The following HYDIN variants were observed in gnomAD, a reference collection of about 807,000 sequenced individuals.
HYDIN encodes axonemal central pair apparatus protein HYDIN.
A neutral mutation model predicts 403.9 loss-of-function variants in HYDIN; 132 were observed. The observed-to-expected ratio is 0.33, with a 90% CI of 0.28 to 0.38. HYDIN has a LOEUF of 0.38. Among genes scored for constraint, HYDIN ranks in the 10% least tolerant of loss-of-function variants. The pLI, the probability that HYDIN is intolerant of heterozygous loss-of-function variation, is 1.00. For missense variants in HYDIN, 2,827 were observed against 5,009.5 expected, an observed-to-expected ratio of 0.56 and a Z score of 13.15; for synonymous variants, 1,202 against 1,891.7, an observed-to-expected ratio of 0.64 and a Z score of 9.46.
chr16:71,152,615 A>G, intron 7 of HYDIN, 44 bp downstream of exon 7: 1 of 647,850 alleles, frequency 1.5e-6, no homozygotes, highest in Non-Finnish European at 2.7e-6. Context: ...TTCTCATCTG[A>G]CCTTTCTTAA....
intron 8 of HYDIN, among the ~76,000 whole-genome samples, chr16:71,131,035 T>C (rs1324426682): frequency 9.2e-6 from 1 of 108,954 alleles, no homozygotes; most frequent in Non-Finnish European, 1.8e-5. Context: ...CATATTCCCA[T>C]CATTGTACTG....
intron 43 of HYDIN, among the ~76,000 whole-genome samples, chr16:70,940,841 G>A (rs967076703): frequency 1.3e-5 from 2 of 152,230 alleles, no homozygotes; most frequent in Admixed American, 6.5e-5. Context: ...GCGGTAAGCC[G>A]GAGTGAGGAA....
Position 70,805,244 on chromosome 16 carries a change from T to C in HYDIN, c.*2336A>G, listed in dbSNP as rs1193812824. 1.3e-5 allele frequency among the ~76,000 whole-genome samples: 2 copies of C among 152,228 alleles called. No individual in the cohort carries two copies. The highest frequency in any genetic ancestry group is 1.3e-4 in the Admixed American group (2 of 15,290). ...TTGGCAAATGTCAAGTTTTGCCAGG[T>C]ACCTTAAAGTAGCACTCTCAGCTGC... is the stretch of plus-strand genomic sequence containing the variant. On this transcript the variant is annotated 3_prime_UTR_variant, in exon 86 of 86. Transcript: ENST00000393567.
At position 70,920,835 on chromosome 16, in the gene HYDIN, T is replaced by C. The variant is rs1285077515; in HGVS notation, c.7541A>G (p.Glu2514Gly). 70 of 1,578,792 alleles carry C rather than the reference T, an allele frequency of 4.4e-5. No individual in the cohort carries two copies. The highest frequency in any genetic ancestry group is 6.0e-5 in the Non-Finnish European group (70 of 1,161,430). The change falls in exon 46 of 86, where the codon GAG becomes GGG. Residue 2514 changes from glutamate to glycine, a missense_variant. Transcript: ENST00000393567. ...CTCCGTGCGCTCCTTCTCCAGGCGCTCTCTCTCCCGGTCCTTGCGGCCCCT... is the reference window on the plus strand; with the variant it reads ...CTCCGTGCGCTCCTTCTCCAGGCGCCCTCTCTCCCGGTCCTTGCGGCCCCT... ...GRRGRKDRER[E>G]RLEKERTEKE...
chr16:70,936,509 G>A (rs796818224), intron 44 of HYDIN, among the ~76,000 whole-genome samples: 4,857 of 110,520 alleles, frequency 0.044, 164 homozygotes, highest in African/African-American at 0.11. Flanking sequence ...GCCTCCCATA[G>A]CTGAGCATGT....
intron 40 of HYDIN, among the ~76,000 whole-genome samples, chr16:70,955,019 A>G (rs965247248): frequency 1.2e-4 from 18 of 152,150 alleles, no homozygotes; most frequent in African/African-American, 4.3e-4. Flanking sequence ...CATTCATCCC[A>G]AAGTCGCTCT....
chr16:71,057,117 C>A (rs925343677), intron 18 of HYDIN, among the ~76,000 whole-genome samples: 1 of 113,036 alleles, frequency 8.8e-6, no homozygotes, highest in Non-Finnish European at 1.8e-5. Context: ...CCTCTCCCAG[C>A]ATCAACTCGG....
At chr16:71,201,539 C>A (rs2088013648) in intron 1 of HYDIN, among the ~76,000 whole-genome samples, 1 of 152,162 alleles carries the variant, frequency 6.6e-6, no homozygotes, top group Admixed American at 6.5e-5. Flanking sequence ...GAACACAGCA[C>A]ATGACCCAAG....
At chr16:70,819,706 G>T (rs1327177209) in intron 83 of HYDIN, among the ~76,000 whole-genome samples, 1 of 148,626 alleles carries the variant, frequency 6.7e-6, no homozygotes, top group Admixed American at 6.7e-5. Flanking sequence ...TTTGTCCTTT[G>T]TAACACATTG....
chr16:70,864,351 A>C (rs2039605262), intron 67 of HYDIN, among the ~76,000 whole-genome samples: 4 of 54,792 alleles, frequency 7.3e-5, no homozygotes, highest in African/African-American at 4.0e-4. Flanking sequence ...AAAAAAAAAA[A>C]AAAAAAAAAA....
intron 1 of HYDIN, among the ~76,000 whole-genome samples, chr16:71,197,406 T>A (rs1239354510): frequency 1.3e-5 from 2 of 152,234 alleles, no homozygotes; most frequent in African/African-American, 4.8e-5. Context: ...TCTGCATATC[T>A]GCCAACATTC....
chr16:71,226,205 C>G (rs920435625), intron 1 of HYDIN, among the ~76,000 whole-genome samples: 1 of 152,156 alleles, frequency 6.6e-6, no homozygotes, highest in Non-Finnish European at 1.5e-5. Flanking sequence ...GTTAAAATGA[C>G]TGGTAGTTCA....
chr16:71,000,581 G>A (rs1045535174), intron 23 of HYDIN, among the ~76,000 whole-genome samples: 1 of 152,012 alleles, frequency 6.6e-6, no homozygotes, highest in South Asian at 2.1e-4. Context: ...AATATAAAGA[G>A]AGCTAAAGGC....
intron 53 of HYDIN, among the ~76,000 whole-genome samples, chr16:70,898,893 G>A (rs1197189242): frequency 6.6e-5 from 10 of 151,538 alleles, no homozygotes; most frequent in East Asian, 2.0e-4. Context: ...ACAGGCGTGC[G>A]CCACCACATC....
intron 18 of HYDIN, among the ~76,000 whole-genome samples, chr16:71,059,717 C>A (rs1568079034): frequency 6.6e-6 from 1 of 152,044 alleles, no homozygotes; most frequent in Non-Finnish European, 1.5e-5. Flanking sequence ...ATCTGCACAC[C>A]AAACCTGTGA....
intron 13 of HYDIN, among the ~76,000 whole-genome samples, chr16:71,072,452 A>G (rs1006303736): frequency 7.2e-5 from 11 of 152,354 alleles, no homozygotes; most frequent in Non-Finnish European, 1.5e-4. Flanking sequence ...TGTGACTAAG[A>G]AACTGTAGAC....
Position 70,920,815 on chromosome 16 carries a change from T to C in HYDIN, c.7561A>G (p.Thr2521Ala), listed in dbSNP as rs76335688. ...TCCCTCTCCAGGCGCTCCTTCTCCG[T>C]GCGCTCCTTCTCCAGGCGCTCTCTC... ...RERERLEKER[T>A]EKERLEREKA... Residue 2521 changes from threonine (T) to alanine (A), a missense_variant, in exon 46 of 86, where the codon ACG becomes GCG. Physicochemically the swap from Thr to Ala is moderately conservative, Grantham distance 58. Coordinates refer to ENST00000393567, the MANE Select transcript of HYDIN (RefSeq NM_001270974.2). 1 of 1,567,030 alleles carries C rather than the reference T, an allele frequency of 6.4e-7. No homozygotes were observed. The highest frequency in any genetic ancestry group is 8.7e-7 in the Non-Finnish European group (1 of 1,155,040).
intron 13 of HYDIN, among the ~76,000 whole-genome samples, chr16:71,073,197 C>T (rs550624317): frequency 1.1e-4 from 17 of 152,284 alleles, no homozygotes; most frequent in East Asian, 7.7e-4. Context: ...AGATGCCTGA[C>T]GTTACTGATT....
intron 23 of HYDIN, among the ~76,000 whole-genome samples, chr16:71,010,517 C>A (rs1203143874): frequency 6.6e-6 from 1 of 151,680 alleles, no homozygotes; most frequent in Non-Finnish European, 1.5e-5. Context: ...CCCATCTCCT[C>A]AATTTCTTCA....
Sources: allele counts gnomAD v4.1 joint callset (sites outside exome capture counted in the v4.1 genomes callset), GRCh38; gene constraint gnomAD v4.1.1; transcripts MANE v1.5; gene names NCBI Gene and HGNC (gene_info 2026-07-23, HGNC 2026-07-21).